The following PEX6 variants were observed in gnomAD, a reference collection of about 807,000 sequenced individuals.
The protein encoded by PEX6 is peroxisomal biogenesis factor 6, also known as peroxisome biogenesis factor 6.
In PEX6, 55 loss-of-function variants were observed where a neutral mutation model predicts 85.6. That is an observed-to-expected ratio of 0.64 (90% CI 0.52 to 0.80). The LOEUF is 0.80. Among genes scored for constraint, PEX6 ranks in the 30% least tolerant of loss-of-function variants. The pLI is 0.00. For synonymous variants in PEX6, 519 were observed against 549.1 expected (o/e 0.95, Z 0.77); for missense variants, 1,099 against 1,260.3 (o/e 0.87, Z 1.94).
rs1462833567 is a variant in PEX6 at position 42,978,710 on chromosome 6, C to T, written c.441G>A (p.Gly147=). Residue 147 remains glycine (G), a synonymous_variant, in exon 1 of 17, where the codon GGG becomes GGA. Coordinates refer to ENST00000304611, the MANE Select transcript of PEX6 (RefSeq NM_000287.4). ...CCAGCCGAGTCCCTGGGCCCAGCAG[C>T]CCTTGCAACGCCGGCCGCGTCTCCA... ...RVLETRPALQ[G]LLGPGTRLAV... 1 of 1,543,892 alleles carries T rather than the reference C, an allele frequency of 6.5e-7. No individual in the cohort carries two copies. Among genetic ancestry groups the T allele is most frequent in the Non-Finnish European group, 8.7e-7 (1 of 1,151,218 alleles).
At position 42,978,513 on chromosome 6, in the gene PEX6, C is replaced by CG. The variant is rs745726155; in HGVS notation, c.637dup (p.Arg213ProfsTer29). On this transcript the variant is annotated frameshift_variant, in exon 1 of 17. Coordinates refer to ENST00000304611, the MANE Select transcript of PEX6 (RefSeq NM_000287.4). LOFTEE classifies it high-confidence loss of function. ...TTCGCCCTGGAAGAGGCCAAGGCCA[C>CG]GGAGACAGCTCCGGCTCACCCCTAG... The CG allele has an allele frequency of 1.2e-6, 2 of 1,614,166 alleles. No individual in the cohort carries two copies. The highest frequency in any genetic ancestry group is 1.7e-6 in the Non-Finnish European group (2 of 1,180,030).
chr6:42,968,512 C>T lies in PEX6; in HGVS notation c.1480-14G>A, dbSNP rs558979502. ...GGAGCAGGGCACCTGGGGAGGGGATCCCAATGGGTCTGTGAGCAAGGGGAA... is the reference window on the plus strand; with the variant it reads ...GGAGCAGGGCACCTGGGGAGGGGATTCCAATGGGTCTGTGAGCAAGGGGAA... On this transcript the variant is annotated splice_polypyrimidine_tract_variant and intron_variant, in intron 6 of 16. Coordinates refer to ENST00000304611, the MANE Select transcript of PEX6 (RefSeq NM_000287.4). 28 of 1,554,364 alleles carry T rather than the reference C, an allele frequency of 1.8e-5. No homozygotes were observed. The highest frequency in any genetic ancestry group is 4.1e-5 in the African/African-American group (3 of 73,072).
Position 42,971,792 on chromosome 6 carries a change from C to G in PEX6, c.1131-1805G>C, listed in dbSNP as rs571404822. 6.6e-6 allele frequency among the ~76,000 whole-genome samples: 1 copy of G among 152,364 alleles called. No individual in the cohort carries two copies. The highest frequency in any genetic ancestry group is 2.1e-4 in the South Asian group (1 of 4,828). ...AGTTGAGACAATAGAAGTTCAGGAA[C>G]AGAACTGGCTTGCCAGCCTGTCTCA... On this transcript the variant is annotated intron_variant, in intron 3 of 16. Coordinates refer to ENST00000304611, the MANE Select transcript of PEX6 (RefSeq NM_000287.4). This position sits in a 1 kb window ranked among gnomAD's most constrained non-coding sequence, Gnocchi z 4.4.
chr6:42,973,896 C>T (rs1221965457), intron 3 of PEX6, 107 bp downstream of exon 3: 4 of 803,034 alleles, frequency 5.0e-6, no homozygotes, highest in South Asian at 2.8e-5. Context: ...TACATGACAA[C>T]GAAATCCTCT....
chr6:42,965,036 G>C lies in PEX6; in HGVS notation c.2666+39C>G. ...TGCATGCATCCCCTAAGCATCCCAA[G>C]GCCCAAGCCCTTCGCAGTCTTCCTC... On this transcript the variant is annotated intron_variant, in intron 15 of 16. Transcript: ENST00000304611. This position sits in a 1 kb window ranked among gnomAD's most constrained non-coding sequence, Gnocchi z 5.0. 6.2e-7 allele frequency: 1 copy of C among 1,612,786 alleles called. No individual in the cohort carries two copies. Among genetic ancestry groups the C allele is most frequent in the Non-Finnish European group, 8.5e-7 (1 of 1,178,764 alleles).
chr6:42,966,690 C>T lies in PEX6; in HGVS notation c.1962-33G>A, dbSNP rs748727416. 9 of 1,614,008 alleles carry T rather than the reference C, an allele frequency of 5.6e-6. No individual in the cohort carries two copies. The South Asian group carries it at 9.9e-5, about 18-fold the overall frequency. On this transcript the variant is annotated intron_variant, in intron 9 of 16. Transcript: ENST00000304611. ...GAGGAACACAGGGAAGCCTCCTCAC[C>T]ATCAGCGTCCCATTCCCTTCTCCCT...
Position 42,973,895 on chromosome 6 carries a change from A to G in PEX6, c.1130+108T>C, listed in dbSNP as rs112436350. 9.5e-3 allele frequency: 7,541 copies of G among 797,566 alleles called. 340 individuals are homozygous for G. In the African/African-American group the frequency reaches 0.11, roughly 12 times the overall value. 49.4% of individuals were successfully genotyped at this position (797,566 alleles called of 1,614,324 possible). A position where few individuals can be genotyped will look rare whatever the true frequency, so the allele number is the denominator to read the frequency against. ...ACACGCACACACAAAATACATGACAACGAAATCCTCTTGGGCACAAATTAC... is the reference window on the plus strand; with the variant it reads ...ACACGCACACACAAAATACATGACAGCGAAATCCTCTTGGGCACAAATTAC... On this transcript the variant is annotated intron_variant, in intron 3 of 16. Transcript: ENST00000304611.
At position 42,966,967 on chromosome 6, in the gene PEX6, GTT is replaced by G. The variant is rs144477517; in HGVS notation, c.1885-111_1885-110del. On this transcript the variant is annotated intron_variant, in intron 8 of 16. Coordinates refer to ENST00000304611, the MANE Select transcript of PEX6 (RefSeq NM_000287.4). ...CCTCTGTTGATGCCTTAGGTTTGTT[GTT>G]TTTTTTTTTTTTTTTTTTTTGAGAC... The G allele has an allele frequency of 0.3, 135,307 of 446,844 alleles. 6,982 individuals carry two copies. The highest frequency in any genetic ancestry group is 0.48 in the African/African-American group (15,254 of 31,614). 27.7% of individuals were successfully genotyped at this position (446,844 alleles called of 1,614,324 possible).
Position 42,966,372 on chromosome 6 carries a change from G to T in PEX6, c.2170C>A (p.Pro724Thr). The T allele has an allele frequency of 6.2e-7, 1 of 1,614,066 alleles. No homozygotes were observed. The highest frequency in any genetic ancestry group is 8.5e-7 in the Non-Finnish European group (1 of 1,180,004). Reference protein sequence around the residue: ...KKEILETIQLPLEHPELLSLG... With the variant: ...KKEILETIQLTLEHPELLSLG... ...CTCAGTAGCTCAGGGTGCTCCAGGG[G>T]GAGCTGAATGGTCTCCAGGATCTCC... The change falls in exon 11 of 17, where the codon CCC (proline) becomes ACC (threonine). Residue 724 changes from proline to threonine, a missense_variant. Physicochemically the swap from Pro to Thr is conservative, Grantham distance 38. Coordinates refer to ENST00000304611, the MANE Select transcript of PEX6 (RefSeq NM_000287.4).
chr6:42,970,951 C>G (rs1175785754), intron 3 of PEX6, among the ~76,000 whole-genome samples: 1 of 152,170 alleles, frequency 6.6e-6, no homozygotes, highest in African/African-American at 2.4e-5. Context: ...GGATGGGTAG[C>G]AGGAACAGCT....
rs779124738 is a variant in PEX6, at chr6:42,967,368, T to C, written c.1884A>G (p.Ala628=). The C allele has an allele frequency of 1.2e-6, 2 of 1,611,896 alleles. No individual in the cohort carries two copies. Among genetic ancestry groups the C allele is most frequent in the Admixed American group, 1.7e-5 (1 of 59,792 alleles). ...GCCAGTACTCTCCCTTGATACTCAC[T>C]GCACACCGCCGTGCTAGCTGTGCCA... ...VNLAQLARRC[A]GFVVGDLYAL... The change falls in exon 8 of 17, where the codon GCA becomes GCG. Residue 628 remains alanine (A), a splice_region_variant and synonymous_variant. Coordinates refer to ENST00000304611, the MANE Select transcript of PEX6 (RefSeq NM_000287.4).
Position 42,968,510 on chromosome 6 carries a change from A to G in PEX6, c.1480-12T>C. ...CTGGAGCAGGGCACCTGGGGAGGGG[A>G]TCCCAATGGGTCTGTGAGCAAGGGG... is the stretch of plus-strand genomic sequence containing the variant. On this transcript the variant is annotated splice_polypyrimidine_tract_variant and intron_variant, in intron 6 of 16. Transcript: ENST00000304611. The G allele has an allele frequency of 6.4e-7, 1 of 1,558,262 alleles. No individual in the cohort carries two copies. The highest frequency in any genetic ancestry group is 8.7e-7 in the Non-Finnish European group (1 of 1,150,038).
Position 42,966,462 on chromosome 6 carries a change from G to A in PEX6, c.2095-15C>T. 1.2e-6 allele frequency: 2 copies of A among 1,614,136 alleles called. No homozygotes were observed. Among genetic ancestry groups the A allele is most frequent in the South Asian group, 1.1e-5 (1 of 91,084 alleles). ...ACTGAGGGGATCTAGGAGATGGAAA[G>A]TGCGTGGTTGGGATATGCTCTTGGA... On this transcript the variant is annotated splice_polypyrimidine_tract_variant and intron_variant, in intron 10 of 16. Transcript: ENST00000304611.
At chr6:42,970,397 C>T (rs566845106) in intron 3 of PEX6, among the ~76,000 whole-genome samples, 1 of 152,256 alleles carries the variant, frequency 6.6e-6, no homozygotes, top group Non-Finnish European at 1.5e-5. Context: ...GGCTCTTACT[C>T]AATAATCCAC....
chr6:42,970,169 G>C (rs1770012952), intron 3 of PEX6, among the ~76,000 whole-genome samples, 182 bp from the exon 4 acceptor site: 1 of 152,244 alleles, frequency 6.6e-6, no homozygotes, highest in South Asian at 2.1e-4. Context: ...CACACCTTGA[G>C]GGCAAGAGCT....
intron 3 of PEX6, among the ~76,000 whole-genome samples, chr6:42,972,546 G>A (rs975460542): frequency 6.6e-5 from 10 of 152,080 alleles, no homozygotes; most frequent in Admixed American, 2.0e-4. Context: ...CGAGGCGGGC[G>A]GATCACAAGG....
Position 42,978,970 on chromosome 6 carries a change from C to T in PEX6, c.181G>A (p.Asp61Asn). The T allele has an allele frequency of 6.7e-7, 1 of 1,500,786 alleles. No homozygotes were observed. Among genetic ancestry groups the T allele is most frequent in the Non-Finnish European group, 8.8e-7 (1 of 1,133,364 alleles). The allele number at this position is 1,500,786 out of a possible 1,614,324, so 93.0% of individuals were successfully genotyped here. ...ALLVAALEGP[D>N]AGTEEQGPGP... ...GGACCCTGCTCTTCGGTGCCCGCGT[C>T]CGGCCCCTCCAGGGCTGCCACCAGC... The change falls in exon 1 of 17, where the codon GAC becomes AAC. Residue 61 changes from aspartate to asparagine, a missense_variant. Around this residue, in one of 3 missense-constraint regions of PEX6, gnomAD observed 579 missense variants for 611.6 expected, o/e 0.95. Coordinates refer to ENST00000304611, the MANE Select transcript of PEX6 (RefSeq NM_000287.4).
intron 1 of PEX6, among the ~76,000 whole-genome samples, chr6:42,976,488 C>T (rs1234790987): frequency 2.6e-5 from 4 of 151,952 alleles, no homozygotes; most frequent in Non-Finnish European, 5.9e-5. Context: ...TCAGCCTCCC[C>T]AGTTGTTGGG....
At chr6:42,974,270 G>T (rs1428907221) in intron 2 of PEX6, among the ~76,000 whole-genome samples, 184 bp from the exon 3 acceptor site, 2 of 152,092 alleles carry the variant, frequency 1.3e-5, no homozygotes, top group African/African-American at 4.8e-5. Context: ...GGAGAGACTA[G>T]AAAGGGGGAT....
Sources: gnomAD v4.1 joint callset for allele counts (sites outside exome capture counted in the v4.1 genomes callset) on GRCh38, gnomAD v4.1.1 for gene constraint, gnomAD v4.1.1 regional missense constraint, Gnocchi (gnomAD v3.1) non-coding constraint, MANE v1.5 for transcripts, NCBI Gene and HGNC (gene_info 2026-07-23, HGNC 2026-07-21) for gene names.